REEP3: variants seen among roughly 807,000 people sequenced by gnomAD.
REEP3 encodes the protein receptor expression-enhancing protein 3.
REEP3 carries 20 observed loss-of-function variants against 41.3 expected under a neutral mutation model. The observed-to-expected ratio is 0.48, with a 90% CI of 0.34 to 0.70. The LOEUF is 0.70. REEP3 is among the 30% of genes least tolerant of loss of function. The pLI is 0.01. For missense variants in REEP3, 271 were observed against 308.8 expected (o/e 0.88, Z 0.92); for synonymous variants, 104 against 101.8 (o/e 1.02, Z -0.13).
At chr10:63,598,547 C>T (rs1589883086) in intron 4 of REEP3, among the ~76,000 whole-genome samples, 2 of 146,528 alleles carry the variant, frequency 1.4e-5, no homozygotes, top group African/African-American at 2.5e-5. Flanking sequence ...CACTTTGGGA[C>T]GCCGAGGTGG....
At chr10:63,606,075 CTCA>C in intron 5 of REEP3, 1 of 909,836 alleles carries the variant, frequency 1.1e-6, no homozygotes, top group South Asian at 5.1e-5. Flanking sequence ...CTTTTACATT[CTCA>C]TCATAATCTC....
intron 2 of REEP3, among the ~76,000 whole-genome samples, chr10:63,593,757 G>GAGA (rs1956087422): frequency 6.6e-6 from 1 of 152,198 alleles, no homozygotes; most frequent in African/African-American, 2.4e-5. Context: ...TAGGTCCCAA[G>GAGA]AGAAGGCAGA....
chr10:63,557,770 A>G (rs1955702994), intron 1 of REEP3, among the ~76,000 whole-genome samples: 1 of 152,254 alleles, frequency 6.6e-6, no homozygotes, highest in African/African-American at 2.4e-5. Flanking sequence ...CAGAATTGAG[A>G]CTAGAAAATA....
chr10:63,608,952 G>A (rs1317851972), intron 5 of REEP3, among the ~76,000 whole-genome samples: 1 of 152,158 alleles, frequency 6.6e-6, no homozygotes, highest in Non-Finnish European at 1.5e-5. Context: ...CCTGTGCCTA[G>A]TGTCTGCCAT....
chr10:63,552,836 A>G (rs1464823941), intron 1 of REEP3, among the ~76,000 whole-genome samples: 1 of 152,178 alleles, frequency 6.6e-6, no homozygotes, highest in Non-Finnish European at 1.5e-5. Context: ...GTAATTACTG[A>G]TGTCAGAATT....
chr10:63,620,916 G>A lies in REEP3; in HGVS notation c.*47G>A, dbSNP rs375294782. 35 of 1,165,460 alleles carry A rather than the reference G, an allele frequency of 3.0e-5. No individual in the cohort carries two copies. Among genetic ancestry groups the A allele is most frequent in the Non-Finnish European group, 3.8e-5 (30 of 795,064 alleles). The allele number at this position is 1,165,460 out of a possible 1,614,324, so 72.2% of individuals were successfully genotyped here. A position where few individuals can be genotyped will look rare whatever the true frequency, so the allele number is the denominator to read the frequency against. On this transcript the variant is annotated 3_prime_UTR_variant, in exon 8 of 8. Coordinates refer to ENST00000373758, the MANE Select transcript of REEP3 (RefSeq NM_001001330.3). ...CAAGACAGATTATGCTAAATACATC[G>A]ACTTCATCTTCTAACATGATATATT...
chr10:63,539,253 A>AAC (rs1955504110), intron 1 of REEP3, among the ~76,000 whole-genome samples: 1 of 152,076 alleles, frequency 6.6e-6, no homozygotes, highest in Non-Finnish European at 1.5e-5. Context: ...CTATAGGTTT[A>AAC]TTAGGGTCTT....
intron 2 of REEP3, among the ~76,000 whole-genome samples, chr10:63,568,834 A>G (rs1360417355): frequency 7.1e-6 from 1 of 140,138 alleles, no homozygotes; most frequent in Non-Finnish European, 1.6e-5. Context: ...TTTTTTTTTT[A>G]TTATTTTTTA....
chr10:63,587,235 A>G (rs1956016226), intron 2 of REEP3, among the ~76,000 whole-genome samples: 1 of 152,236 alleles, frequency 6.6e-6, no homozygotes, highest in South Asian at 2.1e-4. Context: ...TGTCTGCTGC[A>G]TGAGAACATC....
intron 2 of REEP3, among the ~76,000 whole-genome samples, chr10:63,592,173 TGA>T (rs1956070154): frequency 1.3e-5 from 2 of 152,232 alleles, no homozygotes; most frequent in Non-Finnish European, 2.9e-5. Context: ...GAGACTGGTC[TGA>T]TGGCAGCCGC....
chr10:63,584,646 A>G (rs529522329), intron 2 of REEP3, among the ~76,000 whole-genome samples: 15 of 152,162 alleles, frequency 9.9e-5, no homozygotes, highest in Non-Finnish European at 2.1e-4. Context: ...TGGGGGGGGA[A>G]TCATTATGAA....
At chr10:63,573,490 C>T (rs1377308024) in intron 2 of REEP3, among the ~76,000 whole-genome samples, 1 of 152,124 alleles carries the variant, frequency 6.6e-6, no homozygotes, top group Non-Finnish European at 1.5e-5. Flanking sequence ...AAAAGATTGG[C>T]TAACAGCACT....
chr10:63,553,729 G>A (rs927198167), intron 1 of REEP3, among the ~76,000 whole-genome samples: 1 of 152,170 alleles, frequency 6.6e-6, no homozygotes. Context: ...AGAGACGGAT[G>A]TATTTCAGGA....
chr10:63,625,010 G>C lies in REEP3; in HGVS notation c.*4141G>C, dbSNP rs1956385858. The C allele has an allele frequency of 6.6e-6, 1 of 152,072 alleles. No individual in the cohort carries two copies. The highest frequency in any genetic ancestry group is 1.5e-5 in the Non-Finnish European group (1 of 67,986). The allele number at this position is 152,072 out of a possible 1,614,324, so 9.4% of individuals were successfully genotyped here. On this transcript the variant is annotated 3_prime_UTR_variant, in exon 8 of 8. Coordinates refer to ENST00000373758, the MANE Select transcript of REEP3 (RefSeq NM_001001330.3). ...GTTACTTCATTATGACACATAATGC[G>C]TGTTAAGGTCTTTCTAGATAGCATT...
chr10:63,562,053 G>A (rs1955744756), intron 1 of REEP3, among the ~76,000 whole-genome samples: 3 of 152,158 alleles, frequency 2.0e-5, no homozygotes, highest in Admixed American at 6.5e-5. Context: ...TGGGAATTGT[G>A]TTCTTGTTTA....
At chr10:63,591,916 G>GT (rs1440123138) in intron 2 of REEP3, among the ~76,000 whole-genome samples, 1 of 152,210 alleles carries the variant, frequency 6.6e-6, no homozygotes, top group African/African-American at 2.4e-5. Flanking sequence ...ACTTATAGTT[G>GT]TTATCCCCTT....
chr10:63,567,624 A>T (rs1450353152), intron 2 of REEP3, among the ~76,000 whole-genome samples: 1 of 152,160 alleles, frequency 6.6e-6, no homozygotes, highest in Non-Finnish European at 1.5e-5. Flanking sequence ...TCTTTTGGCT[A>T]TTATGAATAG....
intron 3 of REEP3, among the ~76,000 whole-genome samples, chr10:63,595,777 C>T (rs1170607669): frequency 1.3e-5 from 2 of 152,150 alleles, no homozygotes; most frequent in Admixed American, 1.3e-4. Context: ...GGGGTTTCAC[C>T]ATGTTAGCCA....
chr10:63,538,255 A>G (rs978426441), intron 1 of REEP3, among the ~76,000 whole-genome samples: 9 of 152,330 alleles, frequency 5.9e-5, no homozygotes, highest in Middle Eastern at 6.8e-3. Context: ...TAATACCTAC[A>G]TAAGAGTAAT....
Sources: gnomAD v4.1 joint callset for allele counts (sites outside exome capture counted in the v4.1 genomes callset) on GRCh38, gnomAD v4.1.1 for gene constraint, MANE v1.5 for transcripts, NCBI Gene and HGNC (gene_info 2026-07-23, HGNC 2026-07-21) for gene names.